Variants in DUSP4 observed in about 807,000 individuals in gnomAD.
DUSP4 encodes dual specificity protein phosphatase 4.
DUSP4 carries 12 observed loss-of-function variants against 27.2 expected under a neutral mutation model. The observed-to-expected ratio is 0.44, with a 90% CI of 0.28 to 0.71. DUSP4 has a LOEUF of 0.71. Ranked by LOEUF, DUSP4 falls within the 30% of genes least tolerant of loss-of-function variation. The pLI is 0.14. For missense variants in DUSP4, 448 were observed against 551.3 expected (o/e 0.81, Z 1.88); for synonymous variants, 257 against 245.2 (o/e 1.05, Z -0.45).
chr8:29,341,729 C>T (rs1304010616), intron 1 of DUSP4, among the ~76,000 whole-genome samples: 1 of 152,150 alleles, frequency 6.6e-6, no homozygotes, highest in African/African-American at 2.4e-5. Flanking sequence ...ATTCGGCTGC[C>T]ACCACTGCTG....
intron 1 of DUSP4, chr8:29,347,967 CG>C (rs1408400217): frequency 8.1e-6 from 8 of 985,398 alleles, no homozygotes; most frequent in Non-Finnish European, 7.2e-6. Flanking sequence ...CCTCTCTCCC[CG>C]GGAGCGGGGC....
chr8:29,333,715 G>A lies in DUSP4; in HGVS notation c.*3311C>T, dbSNP rs1817529003. On this transcript the variant is annotated 3_prime_UTR_variant, in exon 4 of 4. Transcript: ENST00000240100. ...GGAGCTACGAAACACACTGATGCCT[G>A]AGTCCCCCACCTAGAATTGGTTGAA... 6.6e-6 allele frequency: 1 copy of A among 152,276 alleles called. No homozygotes were observed. Among genetic ancestry groups the A allele is most frequent in the African/African-American group, 2.4e-5 (1 of 41,458 alleles). 9.4% of individuals were successfully genotyped at this position (152,276 alleles called of 1,614,324 possible).
At position 29,334,604 on chromosome 8, in the gene DUSP4, A is replaced by C. The variant is rs1217077343; in HGVS notation, c.*2422T>G. On this transcript the variant is annotated 3_prime_UTR_variant, in exon 4 of 4. Transcript: ENST00000240100. ...AGCAGGACTGTTTTAGCAAACGTGT[A>C]CTCGTTCTATAAAAATGGAATCTGT... The C allele has an allele frequency of 1.3e-5, 2 of 152,106 alleles. No homozygotes were observed. Among genetic ancestry groups the C allele is most frequent in the African/African-American group, 4.8e-5 (2 of 41,396 alleles). The allele number at this position is 152,106 out of a possible 1,614,324, so 9.4% of individuals were successfully genotyped here. A position where few individuals can be genotyped will look rare whatever the true frequency, so the allele number is the denominator to read the frequency against.
At chr8:29,348,708 G>C (rs1013016327) in intron 1 of DUSP4, 28 of 985,626 alleles carry the variant, frequency 2.8e-5, no homozygotes, top group Middle Eastern at 5.2e-4. Context: ...TGGACAGGTC[G>C]GAAGAGGAGC....
chr8:29,343,381 T>C (rs1391027966), intron 1 of DUSP4, among the ~76,000 whole-genome samples: 1 of 152,060 alleles, frequency 6.6e-6, no homozygotes, highest in Non-Finnish European at 1.5e-5. Context: ...TCTGGGCTGG[T>C]GGAGCCCGGA....
chr8:29,349,961 G>C lies in DUSP4; in HGVS notation c.318C>G (p.Ile106Met). ...RLRSGLYSAV[I>M]VYDERSPRAE... The stretch of plus-strand genomic sequence containing the variant: ...CGCGCGGGCTGCGCTCGTCGTAGAC[G>C]ATGACCGCCGAGTAGAGGCCGGAGC... The change falls in exon 1 of 4, where the codon ATC becomes ATG. Residue 106 changes from isoleucine to methionine, a missense_variant. Physicochemically the swap from Ile to Met is conservative, Grantham distance 10. Around this residue, in one of 3 missense-constraint regions of DUSP4, gnomAD observed 345 missense variants for 394.0 expected, o/e 0.88. Coordinates refer to ENST00000240100, the MANE Select transcript of DUSP4 (RefSeq NM_001394.7). 6.3e-7 allele frequency: 1 copy of C among 1,588,640 alleles called. No homozygotes were observed.
chr8:29,348,897 C>G (rs939813714), intron 1 of DUSP4: 5 of 539,774 alleles, frequency 9.3e-6, no homozygotes, highest in Non-Finnish European at 1.2e-5. Flanking sequence ...CGGGGGGCGC[C>G]CGGACCCCAC....
rs779420744 is a variant in DUSP4 at position 29,350,108 on chromosome 8, G to C, written c.171C>G (p.Ser57Arg). Residue 57 changes from serine to arginine, a missense_variant, in exon 1 of 4, where the codon AGC (serine) becomes AGG (arginine). Coordinates refer to ENST00000240100, the MANE Select transcript of DUSP4 (RefSeq NM_001394.7). ...LLDCRPFLAH[S>R]AGYILGSVNV... ...TGACCGAACCTAGGATGTAGCCCGCGCTGTGCGCCAGGAACGGTCTGCAGT... is the reference window on the plus strand; with the variant it reads ...TGACCGAACCTAGGATGTAGCCCGCCCTGTGCGCCAGGAACGGTCTGCAGT... 1 of 1,609,072 alleles carries C rather than the reference G, an allele frequency of 6.2e-7. No individual in the cohort carries two copies. Among genetic ancestry groups the C allele is most frequent in the South Asian group, 1.1e-5 (1 of 90,908 alleles).
intron 1 of DUSP4, 101 bp downstream of exon 1, chr8:29,349,745 A>G (rs1439553439): frequency 1.4e-6 from 2 of 1,385,104 alleles, no homozygotes; most frequent in South Asian, 1.7e-5. Flanking sequence ...CCCCGCAACC[A>G]CGAATCACGC....
In DUSP4 at chr8:29,348,169, G is replaced by A. The variant is rs957280118; in HGVS notation, c.433+1677C>T. ...GTCCCGGGTTTGGACGCCAGCGAAG[G>A]AAGGCGCGCCCGCGCTCTCCATCGG... On this transcript the variant is annotated intron_variant, in intron 1 of 3. Transcript: ENST00000240100. The A allele has an allele frequency of 7.1e-6, 7 of 985,464 alleles. No individual in the cohort carries two copies. The South Asian group carries it at 2.8e-4, about 40-fold the overall frequency. The allele number at this position is 985,464 out of a possible 1,614,324, so 61.0% of individuals were successfully genotyped here. A position where few individuals can be genotyped will look rare whatever the true frequency, so the allele number is the denominator to read the frequency against.
intron 1 of DUSP4, chr8:29,348,678 C>T: frequency 3.0e-6 from 3 of 985,414 alleles, no homozygotes; most frequent in Non-Finnish European, 3.6e-6. Context: ...CGCCCCCTTT[C>T]CAGCTCCCTT....
At chr8:29,349,442 C>T (rs1817788595) in intron 1 of DUSP4, among the ~76,000 whole-genome samples, 1 of 152,224 alleles carries the variant, frequency 6.6e-6, no homozygotes. Context: ...TTCTCCCGGT[C>T]CGGCTCAGTG....
rs1397563527 is a variant in DUSP4, at chr8:29,337,479, C to T, written c.800-68G>A. Reference sequence around the variant, plus strand: ...CCCAGCCCCGACCAGGGGCACCGGCCAGCCCCTGGGGTCGGGGGGCTCTGA... The same window carrying T: ...CCCAGCCCCGACCAGGGGCACCGGCTAGCCCCTGGGGTCGGGGGGCTCTGA... On this transcript the variant is annotated intron_variant, in intron 3 of 3. Transcript: ENST00000240100. The surrounding 1 kb of genome is among the most constrained non-coding windows in gnomAD (Gnocchi z 6.4). 1.3e-6 allele frequency: 2 copies of T among 1,519,890 alleles called. No homozygotes were observed. Among genetic ancestry groups the T allele is most frequent in the East Asian group, 4.5e-5 (2 of 44,188 alleles). 94.2% of individuals were successfully genotyped at this position (1,519,890 alleles called of 1,614,324 possible).
rs1407208833 is a variant in DUSP4 at position 29,338,322 on chromosome 8, G to A, written c.759C>T (p.Ala253=). The A allele has an allele frequency of 6.8e-6, 11 of 1,614,024 alleles. No individual in the cohort carries two copies. Among genetic ancestry groups the A allele is most frequent in the Admixed American group, 1.7e-5 (1 of 60,004 alleles). The part of the protein sequence containing the change: ...KCIPVEDNHK[A]DISSWFMEAI... ...CTTCCATGAACCAGGAGCTGATGTC[G>A]GCCTTGTGGTTATCTTCCACTGGGA... The change falls in exon 3 of 4, where the codon GCC becomes GCT. Residue 253 remains alanine (A), a synonymous_variant. Coordinates refer to ENST00000240100, the MANE Select transcript of DUSP4 (RefSeq NM_001394.7).
chr8:29,348,579 G>C (rs1397213995), intron 1 of DUSP4: 1 of 985,444 alleles, frequency 1.0e-6, no homozygotes, highest in African/African-American at 1.7e-5. Flanking sequence ...ACAACTGCGG[G>C]GAACAAAGCC....
chr8:29,348,569 A>G, intron 1 of DUSP4: 2 of 985,560 alleles, frequency 2.0e-6, no homozygotes, highest in Non-Finnish European at 2.4e-6. Flanking sequence ...TGGGCAGGAA[A>G]CAACTGCGGG....
chr8:29,344,507 A>T (rs922254249), intron 1 of DUSP4, among the ~76,000 whole-genome samples: 2 of 152,020 alleles, frequency 1.3e-5, no homozygotes, highest in African/African-American at 2.4e-5. Flanking sequence ...TATCACCTTT[A>T]TTTTACAATT....
rs1817587498 is a variant in DUSP4 at position 29,337,187 on chromosome 8, C to T, written c.1024G>A (p.Glu342Lys). Reference sequence around the variant, plus strand: ...AGGGGTCCCGAGGGGCTAGCAGCCTCCGCAGCACAGGACGTGGCCAGCACC... The same window carrying T: ...AGGGGTCCCGAGGGGCTAGCAGCCTTCGCAGCACAGGACGTGGCCAGCACC... Reference protein sequence around the residue: ...SQVLATSCAAEAASPSGPLRE... With the variant: ...SQVLATSCAAKAASPSGPLRE... Residue 342 changes from glutamate to lysine, a missense_variant, in exon 4 of 4, where the codon GAG becomes AAG. Glu to Lys is a moderately conservative substitution (Grantham distance 56). Transcript: ENST00000240100. This position sits in a 1 kb window ranked among gnomAD's most constrained non-coding sequence, Gnocchi z 6.4. 2 of 1,613,096 alleles carry T rather than the reference C, an allele frequency of 1.2e-6. No individual in the cohort carries two copies. The highest frequency in any genetic ancestry group is 1.7e-6 in the Non-Finnish European group (2 of 1,179,734).
chr8:29,337,647 T>A lies in DUSP4; in HGVS notation c.800-236A>T, dbSNP rs907419897. On this transcript the variant is annotated intron_variant, in intron 3 of 3. Transcript: ENST00000240100. This position sits in a 1 kb window ranked among gnomAD's most constrained non-coding sequence, Gnocchi z 6.4. Reference sequence around the variant, plus strand: ...TTAAATCCTATTATCTGTTCAAGGATTTCCCTTTGCAGAAACAAAACAGTG... The same window carrying A: ...TTAAATCCTATTATCTGTTCAAGGAATTCCCTTTGCAGAAACAAAACAGTG... 2.6e-5 allele frequency among the ~76,000 whole-genome samples: 4 copies of A among 152,196 alleles called. No individual in the cohort carries two copies. Among genetic ancestry groups the A allele is most frequent in the Non-Finnish European group, 1.5e-5 (1 of 68,026 alleles).
Sources: allele counts gnomAD v4.1 joint callset (sites outside exome capture counted in the v4.1 genomes callset), GRCh38; gene constraint gnomAD v4.1.1; regional missense constraint gnomAD v4.1.1; non-coding constraint Gnocchi (gnomAD v3.1); transcripts MANE v1.5; gene names NCBI Gene and HGNC (gene_info 2026-07-23, HGNC 2026-07-21).